RASGEF1C: variants seen among roughly 807,000 people sequenced by gnomAD.
The protein encoded by RASGEF1C is ras-GEF domain-containing family member 1C.
RASGEF1C carries 27 observed loss-of-function variants against 58.1 expected under a neutral mutation model. The ratio of observed to expected loss-of-function variants is 0.46; its 90% CI spans 0.34 to 0.64. RASGEF1C has a LOEUF of 0.64. Among genes scored for constraint, RASGEF1C ranks in the 30% least tolerant of loss-of-function variants. The pLI, the probability that RASGEF1C is intolerant of heterozygous loss-of-function variation, is 0.01. For missense variants in RASGEF1C, 502 were observed against 605.1 expected, an observed-to-expected ratio of 0.83 and a Z score of 1.79; for synonymous variants, 243 against 246.3, an observed-to-expected ratio of 0.99 and a Z score of 0.13.
At chr5:180,173,754 A>G (rs1176323805) in intron 1 of RASGEF1C, among the ~76,000 whole-genome samples, 2 of 152,046 alleles carry the variant, frequency 1.3e-5, no homozygotes. Flanking sequence ...CTCTACTAAA[A>G]ATACAGAAAT....
At position 180,128,485 on chromosome 5, in the gene RASGEF1C, G is replaced by A. The variant is rs1412932863; in HGVS notation, c.564C>T (p.Ala188=). Residue 188 remains alanine (A), a synonymous_variant, in exon 5 of 14, where the codon GCC becomes GCT. Transcript: ENST00000361132. ...KPISYRTKPP[A]SIHRELLGVC... The stretch of plus-strand genomic sequence containing the variant: ...CACCAAGGAGCTCCCTGTGGATGGA[G>A]GCTGGTGGCTTGGTCCTGTAGGAGA... 1 of 1,614,190 alleles carries A rather than the reference G, an allele frequency of 6.2e-7. No individual in the cohort carries two copies. The highest frequency in any genetic ancestry group is 8.5e-7 in the Non-Finnish European group (1 of 1,180,040).
Position 180,101,319 on chromosome 5 carries a change from A to G in RASGEF1C, c.*182T>C. On this transcript the variant is annotated 3_prime_UTR_variant, in exon 14 of 14. Coordinates refer to ENST00000361132, the MANE Select transcript of RASGEF1C (RefSeq NM_175062.4). ...TGGGTCCTGCCAGGGCCAAAGTCCC[A>G]TAAAAGGTCTCCTGTGCCCGTATGG... The G allele has an allele frequency of 1.5e-6, 1 of 653,846 alleles. No individual in the cohort carries two copies. Among genetic ancestry groups the G allele is most frequent in the South Asian group, 1.9e-5 (1 of 52,260 alleles). The allele number at this position is 653,846 out of a possible 1,614,324, so 40.5% of individuals were successfully genotyped here. A position where few individuals can be genotyped will look rare whatever the true frequency, so the allele number is the denominator to read the frequency against.
chr5:180,127,734 G>C, intron 5 of RASGEF1C, 51 bp from the exon 6 acceptor site: 1 of 1,562,498 alleles, frequency 6.4e-7, no homozygotes, highest in Non-Finnish European at 8.7e-7. Context: ...TGGGGAGGGG[G>C]TGTCCACTGG....
chr5:180,150,006 G>A (rs965030292), intron 1 of RASGEF1C, among the ~76,000 whole-genome samples: 8 of 152,138 alleles, frequency 5.3e-5, no homozygotes, highest in South Asian at 2.1e-4. Flanking sequence ...CTCTCACAAA[G>A]TGTATGTTGG....
chr5:180,153,529 A>T (rs1443868035), intron 1 of RASGEF1C, among the ~76,000 whole-genome samples: 1 of 152,210 alleles, frequency 6.6e-6, no homozygotes, highest in Admixed American at 6.5e-5. Context: ...TGTCATCTAC[A>T]TGGAGAGATG....
chr5:180,150,437 A>G (rs1018811700), intron 1 of RASGEF1C, among the ~76,000 whole-genome samples: 1 of 152,010 alleles, frequency 6.6e-6, no homozygotes, highest in Admixed American at 6.6e-5. Context: ...GTTTCTTTAT[A>G]TGCCTTGTGG....
intron 1 of RASGEF1C, among the ~76,000 whole-genome samples, chr5:180,163,650 T>C (rs1766978998): frequency 6.6e-6 from 1 of 152,196 alleles, no homozygotes; most frequent in African/African-American, 2.4e-5. Flanking sequence ...CTCTATACCT[T>C]TATCTATAAT....
In RASGEF1C at chr5:180,175,062, G is replaced by A. The variant is rs777615052; in HGVS notation, c.-7+33966C>T. On this transcript the variant is annotated intron_variant, in intron 1 of 13. Coordinates refer to ENST00000361132, the MANE Select transcript of RASGEF1C (RefSeq NM_175062.4). The stretch of plus-strand genomic sequence containing the variant: ...AGCTCAGGTGGGGAAAGGCCCCAGC[G>A]GCCAGCACCTGCTGCCCAGGGCTCC... Among the ~76,000 whole-genome samples, 4 of 152,208 alleles carry A rather than the reference G, an allele frequency of 2.6e-5. No individual in the cohort carries two copies. The East Asian group carries it at 5.8e-4, about 22-fold the overall frequency.
In RASGEF1C at chr5:180,198,170, G is replaced by A. The variant is rs1297330479; in HGVS notation, c.-7+10858C>T. Among the ~76,000 whole-genome samples, 1 of 152,224 alleles carries A rather than the reference G, an allele frequency of 6.6e-6. No individual in the cohort carries two copies. Among genetic ancestry groups the A allele is most frequent in the Non-Finnish European group, 1.5e-5 (1 of 68,038 alleles). On this transcript the variant is annotated intron_variant, in intron 1 of 13. Coordinates refer to ENST00000361132, the MANE Select transcript of RASGEF1C (RefSeq NM_175062.4). The surrounding 1 kb of genome is among the most constrained non-coding windows in gnomAD (Gnocchi z 4.5). The stretch of plus-strand genomic sequence containing the variant: ...GGGCAGTAAGGCCCTAAGGAAACTG[G>A]AAACAGGCAGGACAAAAGCGCACCC...
chr5:180,189,793 G>C (rs1756110778), intron 1 of RASGEF1C, among the ~76,000 whole-genome samples: 1 of 151,644 alleles, frequency 6.6e-6, no homozygotes, highest in Non-Finnish European at 1.5e-5. Context: ...CATGGTGGTG[G>C]GTGCCTGTAA....
chr5:180,128,690 G>A (rs978695275), intron 4 of RASGEF1C, 80 bp from the exon 5 acceptor site: 2 of 1,396,272 alleles, frequency 1.4e-6, no homozygotes, highest in South Asian at 1.2e-5. Flanking sequence ...AGCCACCTGG[G>A]CTCCAAAGGG....
chr5:180,126,456 T>C (rs1018347921), intron 6 of RASGEF1C, among the ~76,000 whole-genome samples: 4 of 152,126 alleles, frequency 2.6e-5, no homozygotes, highest in African/African-American at 9.7e-5. Context: ...GCACCACAGT[T>C]GTTCCGAATT....
chr5:180,112,734 GAC>G (rs768596448), intron 11 of RASGEF1C, among the ~76,000 whole-genome samples: 10 of 152,276 alleles, frequency 6.6e-5, no homozygotes, highest in Non-Finnish European at 1.2e-4. Context: ...GCTACGCCGA[GAC>G]ACGTGTGCTG....
At chr5:180,191,396 G>T (rs531000612) in intron 1 of RASGEF1C, among the ~76,000 whole-genome samples, 2 of 151,300 alleles carry the variant, frequency 1.3e-5, no homozygotes, top group Admixed American at 6.6e-5. Flanking sequence ...TAGCTCTGTC[G>T]CCCAGGCTGG....
intron 4 of RASGEF1C, among the ~76,000 whole-genome samples, chr5:180,129,302 C>T (rs1766321353): frequency 6.6e-6 from 1 of 152,202 alleles, no homozygotes; most frequent in Non-Finnish European, 1.5e-5. Context: ...GACAACTGCC[C>T]GGCTAACCAG....
intron 1 of RASGEF1C, among the ~76,000 whole-genome samples, chr5:180,174,489 CGCGTGTGTGTCTGTGT>C (rs1767181123): frequency 2.1e-5 from 2 of 96,356 alleles, no homozygotes; most frequent in African/African-American, 4.5e-5. Flanking sequence ...TCTGTGTGTG[CGCGTGTGTGTCTGTGT>C]GTGCGTGCGC....
At chr5:180,138,986 C>T (rs1348810824) in intron 1 of RASGEF1C, among the ~76,000 whole-genome samples, 2 of 152,162 alleles carry the variant, frequency 1.3e-5, no homozygotes, top group African/African-American at 4.8e-5. Context: ...GCTTGTCAGC[C>T]TTGTTGGGTG....
chr5:180,187,056 T>C (rs982786233), intron 1 of RASGEF1C, among the ~76,000 whole-genome samples: 1 of 152,186 alleles, frequency 6.6e-6, no homozygotes, highest in Non-Finnish European at 1.5e-5. Flanking sequence ...AAGAACAAAG[T>C]TGAAGGACTC....
intron 1 of RASGEF1C, 72 bp downstream of exon 1, chr5:180,208,956 G>A (rs1756545924): frequency 6.9e-6 from 1 of 145,880 alleles, no homozygotes; most frequent in Admixed American, 6.8e-5. Flanking sequence ...GCCGCCGGCA[G>A]CCCTCCCCAG....
Sources: gnomAD v4.1 joint callset for allele counts (sites outside exome capture counted in the v4.1 genomes callset) on GRCh38, gnomAD v4.1.1 for gene constraint, Gnocchi (gnomAD v3.1) non-coding constraint, MANE v1.5 for transcripts, NCBI Gene and HGNC (gene_info 2026-07-23, HGNC 2026-07-21) for gene names.